PSG2: variants seen among roughly 807,000 people sequenced by gnomAD.
The protein encoded by PSG2 is pregnancy specific beta-1-glycoprotein 2, also known as pregnancy-specific beta-1-glycoprotein 2.
Under a neutral mutation model 36.2 loss-of-function variants are expected in PSG2, and 49 were observed. The ratio of observed to expected loss-of-function variants is 1.35; its 90% CI spans 1.08 to 1.72. The LOEUF (loss-of-function observed/expected upper bound fraction) is 1.72, where lower values mean the gene tolerates loss of function less well. Among genes scored for constraint, PSG2 ranks in the 40% most tolerant of loss-of-function variants. The probability of loss-of-function intolerance (pLI) is 0.00; values close to 1 mark genes in which losing one functional copy is unlikely to be tolerated. For synonymous variants in PSG2, 261 were observed against 155.6 expected, an observed-to-expected ratio of 1.68 and a Z score of -5.04; for missense variants, 605 against 407.2, an observed-to-expected ratio of 1.49 and a Z score of -4.18.
In PSG2 at chr19:43,071,729, C is replaced by G. The variant is rs372430528; in HGVS notation, c.935G>C (p.Ser312Thr). 6.2e-6 allele frequency: 10 copies of G among 1,612,858 alleles called. No homozygotes were observed. The highest frequency in any genetic ancestry group is 3.3e-4 in the Middle Eastern group (2 of 6,078). Residue 312 changes from serine to threonine, a missense_variant, in exon 4 of 6, where the codon AGC (serine) becomes ACC (threonine). Physicochemically the swap from Ser to Thr is moderately conservative, Grantham distance 58. Coordinates refer to ENST00000406487, the MANE Select transcript of PSG2 (RefSeq NM_031246.4). ...SVRNSATGEE[S>T]STSLTVKVSA... ...GACTTTGACTGTCAACGATGTGGAG[C>G]TTTCCTCGCCAGTGGCTGAGTTACG...
At chr19:43,074,916 T>C (rs1338942004) in intron 3 of PSG2, among the ~76,000 whole-genome samples, 3 of 132,686 alleles carry the variant, frequency 2.3e-5, no homozygotes, top group East Asian at 3.9e-4. Context: ...TGTATGGTAA[T>C]AGGTGTGAGG....
intron 3 of PSG2, chr19:43,072,292 T>C (rs1967830563): frequency 1.3e-6 from 2 of 1,599,634 alleles, no homozygotes; most frequent in Non-Finnish European, 1.7e-6. Context: ...CTGAGAGGCC[T>C]GGCCCCTGGT....
At position 43,072,539 on chromosome 19, in the gene PSG2, T is replaced by G; in HGVS notation, c.710-585A>C. 1.9e-6 allele frequency: 3 copies of G among 1,611,328 alleles called. No homozygotes were observed. In the South Asian group the frequency reaches 3.3e-5, roughly 18 times the overall value. The stretch of plus-strand genomic sequence containing the variant: ...TAGCCACCAAATGTAGGTGTAGCTC[T>G]CACTCTTAGGTTCACAGGTGAAGGC... On this transcript the variant is annotated intron_variant, in intron 3 of 5. Transcript: ENST00000406487.
At chr19:43,067,972 G>A (rs1442481081) in intron 4 of PSG2, among the ~76,000 whole-genome samples, 1 of 151,260 alleles carries the variant, frequency 6.6e-6, no homozygotes, top group Admixed American at 6.6e-5. Flanking sequence ...CAGTGAATGA[G>A]GGAAATAATA....
In PSG2 at chr19:43,074,794, T is replaced by C. The variant is rs1246926627; in HGVS notation, c.709+560A>G. ...TAGAGCCCTCTATATGTTTTAGTGA[T>C]TTGAGGGATAAAGAACACTTGTGCT... On this transcript the variant is annotated intron_variant, in intron 3 of 5. Coordinates refer to ENST00000406487, the MANE Select transcript of PSG2 (RefSeq NM_031246.4). Among the ~76,000 whole-genome samples the C allele has an allele frequency of 1.3e-5, 2 of 151,688 alleles. 1 individual carries two copies. Among genetic ancestry groups the C allele is most frequent in the African/African-American group, 4.9e-5 (2 of 41,068 alleles).
chr19:43,071,787 T>C lies in PSG2; in HGVS notation c.877A>G (p.Thr293Ala), dbSNP rs1058464. The C allele has an allele frequency of 6.2e-7, 1 of 1,612,568 alleles. No individual in the cohort carries two copies. Among genetic ancestry groups the C allele is most frequent in the African/African-American group, 1.3e-5 (1 of 74,392 alleles). ...GQNLFIPQIT[T>A]KHSGLYVCSV... ...CAAACATAGAGCCCGCTATGCTTTG[T>C]AGTAATTTGGGGGATAAACAGATTT... Residue 293 changes from threonine to alanine, a missense_variant, in exon 4 of 6, where the codon ACA becomes GCA. Coordinates refer to ENST00000406487, the MANE Select transcript of PSG2 (RefSeq NM_031246.4).
At position 43,081,056 on chromosome 19, in the gene PSG2, G is replaced by C. The variant is rs148293206; in HGVS notation, c.255C>G (p.Asp85Glu). The change falls in exon 2 of 6, where the codon GAC becomes GAG. Residue 85 changes from aspartate (D) to glutamate (E), a missense_variant. Coordinates refer to ENST00000406487, the MANE Select transcript of PSG2 (RefSeq NM_031246.4). Reference protein sequence around the residue: ...LYHYITSYVVDGQIIIYGPAY... With the variant: ...LYHYITSYVVEGQIIIYGPAY... ...CAGGCCCATATATAATTATTTGACC[G>C]TCTACTACATATGATGTAATGTAAT... The C allele has an allele frequency of 6.2e-7, 1 of 1,612,656 alleles. No individual in the cohort carries two copies. The highest frequency in any genetic ancestry group is 8.5e-7 in the Non-Finnish European group (1 of 1,179,628).
intron 1 of PSG2, 35 bp from the exon 2 acceptor site, chr19:43,081,281 A>T (rs1172279358): frequency 1.0e-5 from 16 of 1,594,674 alleles, no homozygotes; most frequent in Non-Finnish European, 1.4e-5. Flanking sequence ...CAATATTGAG[A>T]CCTATGTATT....
intron 2 of PSG2, 145 bp from the exon 3 acceptor site, chr19:43,075,777 A>G (rs1283941414): frequency 2.0e-6 from 3 of 1,469,032 alleles, no homozygotes; most frequent in East Asian, 2.3e-5. Flanking sequence ...TACAAGACAG[A>G]TGCATGGCAA....
chr19:43,076,349 T>C (rs1413585531), intron 2 of PSG2, among the ~76,000 whole-genome samples: 1 of 151,716 alleles, frequency 6.6e-6, no homozygotes, highest in Non-Finnish European at 1.5e-5. Flanking sequence ...AACAAGACCA[T>C]GTGCCCTGTT....
In PSG2 at chr19:43,068,239, A is replaced by C. The variant is rs1450679117; in HGVS notation, c.965-1639T>G. 2.0e-5 allele frequency among the ~76,000 whole-genome samples: 3 copies of C among 151,474 alleles called. No homozygotes were observed. The East Asian group carries it at 5.8e-4, about 29-fold the overall frequency. ...TTTCTTGAGACCAGGTGTTTGGACC[A>C]GCATAGGTAACCTGGGGAGACGCTG... On this transcript the variant is annotated intron_variant, in intron 4 of 5. Coordinates refer to ENST00000406487, the MANE Select transcript of PSG2 (RefSeq NM_031246.4).
intron 4 of PSG2, among the ~76,000 whole-genome samples, chr19:43,070,858 C>G (rs1456256625): frequency 6.6e-6 from 1 of 151,588 alleles, no homozygotes; most frequent in Non-Finnish European, 1.5e-5. Flanking sequence ...GTCTGGTAGT[C>G]TTACCCTCTC....
At chr19:43,082,427 A>G in intron 1 of PSG2, 79 bp downstream of exon 1, 2 of 1,574,238 alleles carry the variant, frequency 1.3e-6, no homozygotes, top group Non-Finnish European at 1.7e-6. Context: ...CATTTTTTAG[A>G]ACCCCATCCT....
intron 4 of PSG2, among the ~76,000 whole-genome samples, chr19:43,067,119 T>A (rs548026565): frequency 1.3e-5 from 2 of 151,636 alleles, no homozygotes; most frequent in East Asian, 1.9e-4. Context: ...TTAACTCTAA[T>A]GGGTGACTGG....
chr19:43,080,410 C>A (rs1024447803), intron 2 of PSG2, among the ~76,000 whole-genome samples: 1 of 151,726 alleles, frequency 6.6e-6, no homozygotes, highest in African/African-American at 2.4e-5. Context: ...CCCAGTAAGC[C>A]CTGCCCATGA....
At position 43,072,304 on chromosome 19, in the gene PSG2, A is replaced by C; in HGVS notation, c.710-350T>G. ...AGACTGAGAGGCCTGGCCCCTGGTC[A>C]TTTGGATTTAAGCTGGTGGCCTGGC... On this transcript the variant is annotated intron_variant, in intron 3 of 5. Coordinates refer to ENST00000406487, the MANE Select transcript of PSG2 (RefSeq NM_031246.4). The C allele has an allele frequency of 6.2e-6, 10 of 1,606,270 alleles. No homozygotes were observed. The South Asian group carries it at 1.1e-4, about 18-fold the overall frequency.
intron 3 of PSG2, 22 bp from the exon 4 acceptor site, chr19:43,071,976 C>A: frequency 4.4e-6 from 7 of 1,609,118 alleles, no homozygotes; most frequent in Non-Finnish European, 5.9e-6. Flanking sequence ...AGAATAAAGC[C>A]ACAGGTGATG....
rs750378681 is a variant in PSG2 at position 43,066,651 on chromosome 19, T to TG, written c.965-52dup. The TG allele has an allele frequency of 1.6e-5, 24 of 1,514,314 alleles. No individual in the cohort carries two copies. In the South Asian group the frequency reaches 2.6e-4, roughly 16 times the overall value. 93.8% of individuals were successfully genotyped at this position (1,514,314 alleles called of 1,614,324 possible). ...GGAATGAAGGTGATGTTATTTTACA[T>TG]GGGGGAGCATCAGGAACAAGCATGT... On this transcript the variant is annotated intron_variant, in intron 4 of 5. Coordinates refer to ENST00000406487, the MANE Select transcript of PSG2 (RefSeq NM_031246.4).
Position 43,071,721 on chromosome 19 carries a change from A to T in PSG2, c.943T>A (p.Ser315Thr). Reference protein sequence around the residue: ...NSATGEESSTSLTVKVSASTR... With the variant: ...NSATGEESSTTLTVKVSASTR... ...TTACCAGAGACTTTGACTGTCAACGATGTGGAGCTTTCCTCGCCAGTGGCT... is the reference window on the plus strand; with the variant it reads ...TTACCAGAGACTTTGACTGTCAACGTTGTGGAGCTTTCCTCGCCAGTGGCT... Residue 315 changes from serine to threonine, a missense_variant, in exon 4 of 6, where the codon TCG becomes ACG. Ser to Thr is a moderately conservative substitution (Grantham distance 58). Coordinates refer to ENST00000406487, the MANE Select transcript of PSG2 (RefSeq NM_031246.4). The T allele has an allele frequency of 6.2e-7, 1 of 1,612,982 alleles. No individual in the cohort carries two copies. Among genetic ancestry groups the T allele is most frequent in the Non-Finnish European group, 8.5e-7 (1 of 1,179,476 alleles).
Sources: allele counts gnomAD v4.1 joint callset (sites outside exome capture counted in the v4.1 genomes callset), GRCh38; gene constraint gnomAD v4.1.1; transcripts MANE v1.5; gene names NCBI Gene and HGNC (gene_info 2026-07-23, HGNC 2026-07-21).